The following KDM4B variants were observed in gnomAD, a reference collection of about 807,000 sequenced individuals.
KDM4B encodes the protein lysine-specific demethylase 4B.
A neutral mutation model predicts 125.2 loss-of-function variants in KDM4B; 32 were observed. The observed-to-expected ratio is 0.26, with a 90% confidence interval of 0.19 to 0.34. The LOEUF (loss-of-function observed/expected upper bound fraction) is 0.34, where lower values mean the gene tolerates loss of function less well. Among genes scored for constraint, KDM4B ranks in the 10% least tolerant of loss-of-function variants. The pLI is 1.00. For synonymous variants in KDM4B, 721 were observed against 677.9 expected, an observed-to-expected ratio of 1.06 and a Z score of -0.99; for missense variants, 1,190 against 1,577.7, an observed-to-expected ratio of 0.75 and a Z score of 4.16.
intron 6 of KDM4B, among the ~76,000 whole-genome samples, chr19:5,048,906 G>A (rs1433858891): frequency 1.3e-5 from 2 of 152,198 alleles, no homozygotes; most frequent in Admixed American, 6.5e-5. Flanking sequence ...CAGAAGCAGG[G>A]GGGTCAGGGA....
intron 10 of KDM4B, chr19:5,113,417 C>T (rs927200875): frequency 3.3e-5 from 5 of 151,382 alleles, no homozygotes; most frequent in Non-Finnish European, 7.4e-5. Flanking sequence ...AAAGCCCAAG[C>T]TGCCCCTCCC....
chr19:5,097,054 GAAC>G (rs2038842110), intron 9 of KDM4B, among the ~76,000 whole-genome samples: 1 of 152,204 alleles, frequency 6.6e-6, no homozygotes, highest in Non-Finnish European at 1.5e-5. Flanking sequence ...GGGGAGAAAA[GAAC>G]AAGGCACGTG....
intron 11 of KDM4B, among the ~76,000 whole-genome samples, chr19:5,122,821 T>C (rs1371377452): frequency 6.6e-6 from 1 of 152,222 alleles, no homozygotes; most frequent in Non-Finnish European, 1.5e-5. Flanking sequence ...CGCTGCTGTG[T>C]GCTCCTCGGA....
Position 5,035,886 on chromosome 19 carries a change from C to CGCGCGT in KDM4B, c.141+2860_141+2861insTGCGCG, listed in dbSNP as rs1568244682. Among the ~76,000 whole-genome samples the CGCGCGT allele has an allele frequency of 4.7e-5, 4 of 85,452 alleles. No individual in the cohort carries two copies. Among genetic ancestry groups the CGCGCGT allele is most frequent in the African/African-American group, 1.8e-4 (4 of 22,654 alleles). The allele number at this position is 85,452 out of a possible 152,430, so 56.1% of individuals were successfully genotyped here. A position where few individuals can be genotyped will look rare whatever the true frequency, so the allele number is the denominator to read the frequency against. On this transcript the variant is annotated intron_variant, in intron 3 of 22. Coordinates refer to ENST00000159111, the MANE Select transcript of KDM4B (RefSeq NM_015015.3). This position sits in a 1 kb window ranked among gnomAD's most constrained non-coding sequence, Gnocchi z 5.3. ...CTCTGTGTGTGTGTGTGTGTGCGCG[C>CGCGCGT]GCGCGCGCGCCTGCGCGCACAGGAG...
intron 10 of KDM4B, chr19:5,111,797 G>T (rs751348106): frequency 1.3e-6 from 1 of 765,198 alleles, no homozygotes; most frequent in African/African-American, 1.7e-5. Context: ...GTGTCTCGAC[G>T]TCTCGACTCC....
At chr19:5,140,779 C>A (rs1049180304) in intron 18 of KDM4B, 2 of 152,112 alleles carry the variant, frequency 1.3e-5, no homozygotes, top group African/African-American at 4.8e-5. Context: ...GTTGCTGGGG[C>A]CGCGTCCCCA....
chr19:5,055,983 C>T (rs1014850754), intron 6 of KDM4B, among the ~76,000 whole-genome samples: 6 of 152,150 alleles, frequency 3.9e-5, no homozygotes, highest in Non-Finnish European at 7.3e-5. Flanking sequence ...CTGTCTTCCC[C>T]CGTTGTCTTT....
At chr19:5,089,378 G>A (rs1177681543) in intron 9 of KDM4B, among the ~76,000 whole-genome samples, 1 of 152,238 alleles carries the variant, frequency 6.6e-6, no homozygotes, top group Non-Finnish European at 1.5e-5. Flanking sequence ...GATATCTGTA[G>A]CCCCGTTTGT....
chr19:5,144,715 C>A, intron 20 of KDM4B, 68 bp from the exon 21 acceptor site: 1 of 1,598,222 alleles, frequency 6.3e-7, no homozygotes, highest in Non-Finnish European at 8.5e-7. Flanking sequence ...CGGAGAGGGT[C>A]TAAAACCCAG....
At chr19:5,003,817 G>A (rs902052048) in intron 1 of KDM4B, among the ~76,000 whole-genome samples, 1 of 151,950 alleles carries the variant, frequency 6.6e-6, no homozygotes, top group Non-Finnish European at 1.5e-5. Context: ...CTAAAAAAAA[G>A]GTCCCTGCTT....
chr19:5,143,872 C>T (rs1318322362), intron 18 of KDM4B, 95 bp from the exon 19 acceptor site: 5 of 1,013,050 alleles, frequency 4.9e-6, no homozygotes, highest in South Asian at 3.1e-5. Flanking sequence ...CGCGATGCCT[C>T]CCTTGAAGGC....
At chr19:5,130,169 G>A (rs1358742999) in intron 11 of KDM4B, among the ~76,000 whole-genome samples, 1 of 152,072 alleles carries the variant, frequency 6.6e-6, no homozygotes, top group Non-Finnish European at 1.5e-5. Flanking sequence ...GAGGACATCG[G>A]GCCTCTTGGA....
chr19:5,098,534 A>T (rs573206330), intron 9 of KDM4B, among the ~76,000 whole-genome samples: 78 of 152,182 alleles, frequency 5.1e-4, no homozygotes, highest in African/African-American at 1.8e-3. Context: ...TACCTCATTT[A>T]AAACCCCTGG....
rs2035016135 is a variant in KDM4B at position 4,991,083 on chromosome 19, A to G, written c.-109+21853A>G. ...CAGTGAGCTGAGATTGTGCCGCTGC[A>G]CTCCTGCCTGGGCGACAGAGTGAGA... On this transcript the variant is annotated intron_variant, in intron 1 of 22. Transcript: ENST00000159111. Among the ~76,000 whole-genome samples the G allele has an allele frequency of 3.3e-5, 5 of 152,170 alleles. No homozygotes were observed. The South Asian group carries it at 8.3e-4, about 25-fold the overall frequency.
intron 6 of KDM4B, among the ~76,000 whole-genome samples, chr19:5,056,708 C>T (rs2037406186): frequency 6.6e-6 from 1 of 152,166 alleles, no homozygotes; most frequent in African/African-American, 2.4e-5. Context: ...GCCCAGCCAC[C>T]TCCCTTTCTT....
At chr19:5,054,053 A>G (rs748001753) in intron 6 of KDM4B, among the ~76,000 whole-genome samples, 3 of 152,170 alleles carry the variant, frequency 2.0e-5, no homozygotes, top group Non-Finnish European at 4.4e-5. Flanking sequence ...CCTGTGCGTG[A>G]GTGGGCCTCA....
chr19:5,052,804 C>T (rs1026712480), intron 6 of KDM4B, among the ~76,000 whole-genome samples: 3 of 152,372 alleles, frequency 2.0e-5, no homozygotes, highest in East Asian at 3.9e-4. Flanking sequence ...CGCTGGCGCC[C>T]GGGGACCCTG....
chr19:4,988,028 C>G (rs562156483), intron 1 of KDM4B, among the ~76,000 whole-genome samples: 2 of 152,214 alleles, frequency 1.3e-5, no homozygotes, highest in African/African-American at 4.8e-5. Flanking sequence ...GTGGGAATAA[C>G]AAACTCAGTT....
rs766843850 is a variant in KDM4B, at chr19:5,131,213, C to G, written c.1453C>G (p.Leu485Val). ...GGAGGCGCTGTGGCTGCCATCCCCA[C>G]TGGAGCCCCCGGTGCTGGGCCCAGG... Reference protein sequence around the residue: ...SEEALWLPSPLEPPVLGPGPA... With the variant: ...SEEALWLPSPVEPPVLGPGPA... The change falls in exon 12 of 23, where the codon CTG (leucine) becomes GTG (valine). Residue 485 changes from leucine (L) to valine (V), a missense_variant. By Grantham distance (32) the Leu-to-Val change is conservative. Around this residue, in one of 7 missense-constraint regions of KDM4B, gnomAD observed 428 missense variants for 405.1 expected, o/e 1.06. Transcript: ENST00000159111. 6.9e-6 allele frequency: 11 copies of G among 1,605,570 alleles called. No homozygotes were observed. Among genetic ancestry groups the G allele is most frequent in the Admixed American group, 5.1e-5 (3 of 59,230 alleles).
Sources: allele counts gnomAD v4.1 joint callset (sites outside exome capture counted in the v4.1 genomes callset), GRCh38; gene constraint gnomAD v4.1.1; regional missense constraint gnomAD v4.1.1; non-coding constraint Gnocchi (gnomAD v3.1); transcripts MANE v1.5; gene names NCBI Gene and HGNC (gene_info 2026-07-23, HGNC 2026-07-21).